SLC2A9: variants seen among roughly 807,000 people sequenced by gnomAD.
SLC2A9 encodes the protein solute carrier family 2, facilitated glucose transporter member 9.
In SLC2A9, 39 loss-of-function variants were observed where a neutral mutation model predicts 50.6. That is an observed-to-expected ratio of 0.77 (90% CI 0.60 to 1.01). SLC2A9 has a LOEUF of 1.01. Ranked by LOEUF, SLC2A9 falls within the 50% of genes least tolerant of loss-of-function variation. The pLI is 0.00. For synonymous variants in SLC2A9, 324 were observed against 276.9 expected (o/e 1.17, Z -1.69); for missense variants, 686 against 677.6 (o/e 1.01, Z -0.14).
chr4:9,815,744 C>G (rs1389520173), intron 3 of SLC2A9, among the ~76,000 whole-genome samples: 2 of 152,184 alleles, frequency 1.3e-5, no homozygotes, highest in East Asian at 3.8e-4. Context: ...GAAGAGAATC[C>G]TTCAGAGTTT....
intron 3 of SLC2A9, among the ~76,000 whole-genome samples, chr4:9,986,163 T>C (rs1756681906): frequency 6.6e-6 from 1 of 152,130 alleles, no homozygotes; most frequent in Non-Finnish European, 1.5e-5. Context: ...GAATTTAACA[T>C]AGGGAATTGG....
intron 1 of SLC2A9, among the ~76,000 whole-genome samples, chr4:10,037,191 A>T (rs1036945379): frequency 6.6e-6 from 1 of 152,254 alleles, no homozygotes; most frequent in South Asian, 2.1e-4. Context: ...GTATGCAACC[A>T]TGATGACAAT....
intron 3 of SLC2A9, among the ~76,000 whole-genome samples, chr4:9,819,287 C>G (rs1724074453): frequency 6.6e-6 from 1 of 152,140 alleles, no homozygotes; most frequent in Admixed American, 6.5e-5. Flanking sequence ...TTCTGTTTTT[C>G]ATTCCCACCA....
At chr4:9,945,251 G>C (rs111338560) in intron 5 of SLC2A9, among the ~76,000 whole-genome samples, 1 of 152,224 alleles carries the variant, frequency 6.6e-6, no homozygotes, top group East Asian at 1.9e-4. Flanking sequence ...GCAAGTTATC[G>C]AAATGCCTAT....
chr4:9,898,677 C>G (rs769504311), intron 8 of SLC2A9, among the ~76,000 whole-genome samples: 3 of 152,204 alleles, frequency 2.0e-5, no homozygotes, highest in Non-Finnish European at 2.9e-5. Flanking sequence ...TTTACATAAT[C>G]CCCATCCTTG....
At chr4:9,802,268 CT>C (rs35424269) in intron 3 of SLC2A9, among the ~76,000 whole-genome samples, 4,068 of 146,864 alleles carry the variant, frequency 0.028, 177 homozygotes, top group African/African-American at 0.094. Context: ...GAAAAATGCT[CT>C]TTTTTTTTTT....
chr4:9,817,068 T>C (rs1577375822), intron 3 of SLC2A9, among the ~76,000 whole-genome samples: 1 of 152,088 alleles, frequency 6.6e-6, no homozygotes, highest in African/African-American at 2.4e-5. Flanking sequence ...TCAAATCTTT[T>C]TCTCTCTCTC....
intron 1 of SLC2A9, chr4:10,036,148 T>C (rs1764098646): frequency 6.3e-6 from 1 of 157,764 alleles, no homozygotes; most frequent in African/African-American, 2.4e-5. Context: ...GTCCTGTGTA[T>C]ATAAACAGAT....
At chr4:9,788,077 T>G (rs1197590540) in intron 3 of SLC2A9, among the ~76,000 whole-genome samples, 1 of 152,174 alleles carries the variant, frequency 6.6e-6, no homozygotes, top group South Asian at 2.1e-4. Context: ...TCAAATAGTG[T>G]TTTTAAAAAA....
chr4:9,898,559 A>G (rs1196329321), intron 8 of SLC2A9, among the ~76,000 whole-genome samples: 2 of 152,268 alleles, frequency 1.3e-5, no homozygotes, highest in Non-Finnish European at 1.5e-5. Context: ...CAGGGACTAC[A>G]GCGTCCTACA....
intron 1 of SLC2A9, among the ~76,000 whole-genome samples, chr4:10,026,644 T>C (rs1237417043): frequency 6.6e-6 from 1 of 152,130 alleles, no homozygotes; most frequent in African/African-American, 2.4e-5. Context: ...ATAAGCAAAA[T>C]GTGGTCTATC....
At chr4:9,880,695 G>A (rs1318008711) in intron 10 of SLC2A9, among the ~76,000 whole-genome samples, 3 of 152,196 alleles carry the variant, frequency 2.0e-5, no homozygotes, top group Non-Finnish European at 4.4e-5. Flanking sequence ...GACATTTACC[G>A]TTTCTTCTGG....
At chr4:9,809,575 G>C (rs547547351) in intron 3 of SLC2A9, among the ~76,000 whole-genome samples, 1 of 152,108 alleles carries the variant, frequency 6.6e-6, no homozygotes, top group Non-Finnish European at 1.5e-5. Context: ...CATTCCAGAC[G>C]ACCCTTCAGC....
At chr4:9,946,572 G>C (rs1268729681) in intron 5 of SLC2A9, among the ~76,000 whole-genome samples, 1 of 152,206 alleles carries the variant, frequency 6.6e-6, no homozygotes, top group African/African-American at 2.4e-5. Context: ...AAGGGGAAGA[G>C]CAAGCCCTAC....
intron 3 of SLC2A9, among the ~76,000 whole-genome samples, chr4:9,987,711 C>A (rs1391063028): frequency 6.6e-6 from 1 of 152,034 alleles, no homozygotes; most frequent in Non-Finnish European, 1.5e-5. Flanking sequence ...TTTCTCTAAA[C>A]CAGCCTCTCG....
At chr4:9,952,598 A>G (rs1750515645) in intron 5 of SLC2A9, among the ~76,000 whole-genome samples, 1 of 151,154 alleles carries the variant, frequency 6.6e-6, no homozygotes, top group South Asian at 2.1e-4. Context: ...CAGTGACGCA[A>G]TCTCAGCTCA....
chr4:10,020,530 T>C (rs1763380068), intron 1 of SLC2A9, among the ~76,000 whole-genome samples: 2 of 152,178 alleles, frequency 1.3e-5, no homozygotes, highest in Admixed American at 6.5e-5. Context: ...CCAGAATATT[T>C]TTCTGCAGTG....
intron 10 of SLC2A9, among the ~76,000 whole-genome samples, chr4:9,887,277 C>A (rs1309502623): frequency 2.0e-5 from 3 of 152,226 alleles, no homozygotes; most frequent in African/African-American, 4.8e-5. Context: ...TCAACACAAA[C>A]CAGTGTCACC....
intron 3 of SLC2A9, among the ~76,000 whole-genome samples, chr4:9,820,687 C>A (rs1348208576): frequency 1.3e-5 from 2 of 152,062 alleles, no homozygotes; most frequent in East Asian, 3.9e-4. Context: ...CCAAGTATTT[C>A]TTGTTTTGGG....
Sources: gnomAD v4.1 joint callset for allele counts (sites outside exome capture counted in the v4.1 genomes callset) on GRCh38, gnomAD v4.1.1 for gene constraint, MANE v1.5 for transcripts, NCBI Gene and HGNC (gene_info 2026-07-23, HGNC 2026-07-21) for gene names.